The following IRGQ variants were observed in gnomAD, a reference collection of about 807,000 sequenced individuals.
IRGQ encodes immunity related GTPase Q, also known as immunity-related GTPase family Q protein.
A neutral mutation model predicts 10.5 loss-of-function variants in IRGQ; 5 were observed. The ratio of observed to expected loss-of-function variants is 0.48; its 90% CI spans 0.25 to 1.00. IRGQ has a LOEUF of 1.00. Ranked by LOEUF, IRGQ falls within the 50% of genes least tolerant of loss-of-function variation. The pLI, the probability that IRGQ is intolerant of heterozygous loss-of-function variation, is 0.16. For missense variants in IRGQ, 792 were observed against 877.7 expected, an observed-to-expected ratio of 0.90 and a Z score of 1.23; for synonymous variants, 418 against 426.0, an observed-to-expected ratio of 0.98 and a Z score of 0.23.
At position 43,590,373 on chromosome 19, in the gene IRGQ, G is replaced by A. The variant is rs1973041640; in HGVS notation, c.*1653C>T. ...ACGACAAAAGGGATTCTATCGCTTG[G>A]ATTCTCAGATCCTCCTTTTCTGTTT... On this transcript the variant is annotated 3_prime_UTR_variant, in exon 3 of 3. Transcript: ENST00000422989. 6.6e-6 allele frequency: 1 copy of A among 152,224 alleles called. No homozygotes were observed. Among genetic ancestry groups the A allele is most frequent in the Admixed American group, 6.5e-5 (1 of 15,284 alleles). 9.4% of individuals were successfully genotyped at this position (152,224 alleles called of 1,614,324 possible). A position where few individuals can be genotyped will look rare whatever the true frequency, so the allele number is the denominator to read the frequency against.
rs748555242 is a variant in IRGQ, at chr19:43,593,339, CGA to C, written c.557_558del (p.Phe186Ter). 1 of 1,524,986 alleles carries C rather than the reference CGA, an allele frequency of 6.6e-7. No individual in the cohort carries two copies. The highest frequency in any genetic ancestry group is 1.4e-5 in the African/African-American group (1 of 72,044). 94.5% of individuals were successfully genotyped at this position (1,524,986 alleles called of 1,614,324 possible). On this transcript the variant is annotated frameshift_variant, in exon 3 of 3. Coordinates refer to ENST00000422989, the MANE Select transcript of IRGQ (RefSeq NM_001007561.3). LOFTEE classifies it low-confidence loss of function (END_TRUNC). This position sits in a 1 kb window ranked among gnomAD's most constrained non-coding sequence, Gnocchi z 6.4. ...RRLLPPAQDG[F>X]EVLGAAELEA... ...TCTAGCTCTGCTGCACCCAACACCT[CGA>C]AGCCATCCTGCGCCGGTGGCAGGAG...
Position 43,593,096 on chromosome 19 carries a change from CTG to C in IRGQ, c.800_801del (p.Pro267ArgfsTer43). ...VPTAPTPFPA[P>X]ERPNVVLWTV... Reference sequence around the variant, plus strand: ...GTCCAGAGCACCACATTCGGGCGCTCTGGGGCTGGGAAGGGAGTGGGTGCTGT... The same window carrying C: ...GTCCAGAGCACCACATTCGGGCGCTCGGGCTGGGAAGGGAGTGGGTGCTGT... On this transcript the variant is annotated frameshift_variant, in exon 3 of 3. Transcript: ENST00000422989. LOFTEE classifies it low-confidence loss of function (END_TRUNC). This position sits in a 1 kb window ranked among gnomAD's most constrained non-coding sequence, Gnocchi z 6.4. 3 of 1,585,548 alleles carry C rather than the reference CTG, an allele frequency of 1.9e-6. No individual in the cohort carries two copies. The highest frequency in any genetic ancestry group is 2.6e-6 in the Non-Finnish European group (3 of 1,161,536).
chr19:43,593,306 G>A lies in IRGQ; in HGVS notation c.592C>T (p.Arg198Cys), dbSNP rs867438697. 1.3e-5 allele frequency: 20 copies of A among 1,582,130 alleles called. No homozygotes were observed. The African/African-American group carries it at 2.4e-4, about 19-fold the overall frequency. Reference protein sequence around the residue: ...VLGAAELEAVREAFETGGLEA... With the variant: ...VLGAAELEAVCEAFETGGLEA... ...AGGCCGCCGGTCTCAAAGGCCTCAC[G>A]CACAGCCTCTAGCTCTGCTGCACCC... The change falls in exon 3 of 3, where the codon CGT (arginine) becomes TGT (cysteine). Residue 198 changes from arginine (R) to cysteine (C), a missense_variant. By Grantham distance (180) the Arg-to-Cys change is radical. Transcript: ENST00000422989. The surrounding 1 kb of genome is among the most constrained non-coding windows in gnomAD (Gnocchi z 6.4).
In IRGQ at chr19:43,592,530, C is replaced by G. The variant is rs1568527629; in HGVS notation, c.1368G>C (p.Gly456=). 6.3e-7 allele frequency: 1 copy of G among 1,596,686 alleles called. No homozygotes were observed. Residue 456 remains glycine, a synonymous_variant, in exon 3 of 3, where the codon GGG becomes GGC. Transcript: ENST00000422989. ...LRRALPPAQA[G]ALLLALPPAS... is the part of the protein sequence containing the mutation. The stretch of plus-strand genomic sequence containing the variant: ...CTGGTGGCAACGCCAGCAGCAGTGC[C>G]CCTGCCTGGGCTGGGGGGAGCGCTC...
rs1485600380 is a variant in IRGQ at position 43,593,155 on chromosome 19, C to A, written c.743G>T (p.Gly248Val). The A allele has an allele frequency of 3.8e-6, 6 of 1,558,754 alleles. No homozygotes were observed. Among genetic ancestry groups the A allele is most frequent in the Non-Finnish European group, 5.2e-6 (6 of 1,149,714 alleles). ...VVDMLLGLDPGDPGAAPASVP... is the reference protein window; with the variant it reads ...VVDMLLGLDPVDPGAAPASVP... ...CGAAGCAGGCGCAGCGCCTGGGTCG[C>A]CAGGATCCAATCCAAGCAGCATGTC... Residue 248 changes from glycine to valine, a missense_variant, in exon 3 of 3, where the codon GGC (glycine) becomes GTC (valine). By Grantham distance (109) the Gly-to-Val change is moderately radical. Transcript: ENST00000422989. The surrounding 1 kb of genome is among the most constrained non-coding windows in gnomAD (Gnocchi z 6.4).
chr19:43,589,055 G>C lies in IRGQ; in HGVS notation c.*2971C>G, dbSNP rs1466354161. ...CTTGGATCAGTTACCTTTGTCTTCA[G>C]CTTTTAAGGGAGACAGGATCTCAAA... On this transcript the variant is annotated 3_prime_UTR_variant, in exon 3 of 3. Coordinates refer to ENST00000422989, the MANE Select transcript of IRGQ (RefSeq NM_001007561.3). 6.6e-6 allele frequency: 1 copy of C among 152,138 alleles called. No individual in the cohort carries two copies. Among genetic ancestry groups the C allele is most frequent in the Non-Finnish European group, 1.5e-5 (1 of 68,038 alleles). 9.4% of individuals were successfully genotyped at this position (152,138 alleles called of 1,614,324 possible).
rs750576310 is a variant in IRGQ at position 43,592,358 on chromosome 19, C to T, written c.1540G>A (p.Ala514Thr). 5 of 1,575,400 alleles carry T rather than the reference C, an allele frequency of 3.2e-6. No homozygotes were observed. The South Asian group carries it at 4.5e-5, about 14-fold the overall frequency. The part of the protein sequence containing the change: ...CDVALLRGQL[A>T]EWRRGLGLEP... ...AGCCCCAGGCCCCGTCGCCACTCCG[C>T]CAGCTGACCCCGCAGAAGTGCCACG... Residue 514 changes from alanine (A) to threonine (T), a missense_variant, in exon 3 of 3, where the codon GCG (alanine) becomes ACG (threonine). By Grantham distance (58) the Ala-to-Thr change is moderately conservative. Transcript: ENST00000422989.
rs146186698 is a variant in IRGQ at position 43,595,746 on chromosome 19, T to C, written c.-3+236A>G. Among the ~76,000 whole-genome samples the C allele has an allele frequency of 8.0e-3, 1,209 of 151,856 alleles. 11 individuals are homozygous for C. The highest frequency in any genetic ancestry group is 0.028 in the African/African-American group (1,149 of 41,394). On this transcript the variant is annotated intron_variant, in intron 1 of 2. Transcript: ENST00000422989. ...AATAAAATTTAGCCGGGCATGGTGG[T>C]GTGCGCCTGTAGCCCCAGCTACTCG...
At position 43,592,465 on chromosome 19, in the gene IRGQ, C is replaced by T. The variant is rs1973070871; in HGVS notation, c.1433G>A (p.Arg478Gln). Residue 478 changes from arginine (R) to glutamine (Q), a missense_variant, in exon 3 of 3, where the codon CGA (arginine) becomes CAA (glutamine). Physicochemically the swap from Arg to Gln is conservative, Grantham distance 43. Coordinates refer to ENST00000422989, the MANE Select transcript of IRGQ (RefSeq NM_001007561.3). The stretch of plus-strand genomic sequence containing the variant: ...CAGAGCTGGCCTCCACGCCCCGGCT[C>T]GCAACGCCGCAGCCTTGGTTCGGGC... ...SAARTKAAAL[R>Q]AGAWRPALLA... The T allele has an allele frequency of 1.9e-6, 3 of 1,587,172 alleles. No homozygotes were observed. Among genetic ancestry groups the T allele is most frequent in the Non-Finnish European group, 1.7e-6 (2 of 1,174,616 alleles).
Position 43,593,257 on chromosome 19 carries a change from C to A in IRGQ, c.641G>T (p.Arg214Leu). The change falls in exon 3 of 3, where the codon CGC becomes CTC. Residue 214 changes from arginine to leucine, a missense_variant. Coordinates refer to ENST00000422989, the MANE Select transcript of IRGQ (RefSeq NM_001007561.3). The surrounding 1 kb of genome is among the most constrained non-coding windows in gnomAD (Gnocchi z 6.4). The stretch of plus-strand genomic sequence containing the variant: ...GCTGCCCAGGCGCTCCAGGCCTGAG[C>A]GCACCCACGACAGCGCAGCCTCAAG... ...GGLEAALSWVRSGLERLGSAR... is the reference protein window; with the variant it reads ...GGLEAALSWVLSGLERLGSAR... 6.3e-7 allele frequency: 1 copy of A among 1,599,160 alleles called. No homozygotes were observed. Among genetic ancestry groups the A allele is most frequent in the Non-Finnish European group, 8.5e-7 (1 of 1,172,126 alleles).
rs1246502374 is a variant in IRGQ, at chr19:43,584,401, C to G, written c.*7625G>C. ...TGTTTTTCATTTTATTTTCACAACTCTATGTCATAGGCACTATTATTCACA... is the reference window on the plus strand; with the variant it reads ...TGTTTTTCATTTTATTTTCACAACTGTATGTCATAGGCACTATTATTCACA... On this transcript the variant is annotated 3_prime_UTR_variant, in exon 3 of 3. Coordinates refer to ENST00000422989, the MANE Select transcript of IRGQ (RefSeq NM_001007561.3). 1 of 152,186 alleles carries G rather than the reference C, an allele frequency of 6.6e-6. No homozygotes were observed. Among genetic ancestry groups the G allele is most frequent in the South Asian group, 2.1e-4 (1 of 4,832 alleles). 9.4% of individuals were successfully genotyped at this position (152,186 alleles called of 1,614,324 possible).
At position 43,594,962 on chromosome 19, in the gene IRGQ, T is replaced by G; in HGVS notation, c.377A>C (p.Gln126Pro). Residue 126 changes from glutamine (Q) to proline (P), a missense_variant, in exon 2 of 3, where the codon CAG becomes CCG. By Grantham distance (76) the Gln-to-Pro change is moderately conservative (BLOSUM62 -1). Transcript: ENST00000422989. ...CAGAGCTGCTGTCTGATCACGGGCC[T>G]GGGCGGCAGTCTGTGAATCCCCAGG... The part of the protein sequence containing the change: ...LRPGDSQTAA[Q>P]ARDQTAALLN... 6.2e-7 allele frequency: 1 copy of G among 1,614,006 alleles called. No individual in the cohort carries two copies. Among genetic ancestry groups the G allele is most frequent in the Non-Finnish European group, 8.5e-7 (1 of 1,179,946 alleles).
Position 43,592,315 on chromosome 19 carries a change from G to A in IRGQ, c.1583C>T (p.Ala528Val). 1 of 1,569,930 alleles carries A rather than the reference G, an allele frequency of 6.4e-7. No individual in the cohort carries two copies. The highest frequency in any genetic ancestry group is 1.7e-4 in the Middle Eastern group (1 of 5,960). Residue 528 changes from alanine (A) to valine (V), a missense_variant, in exon 3 of 3, where the codon GCT (alanine) becomes GTT (valine). Ala to Val is a moderately conservative substitution (Grantham distance 64). Coordinates refer to ENST00000422989, the MANE Select transcript of IRGQ (RefSeq NM_001007561.3). ...RGLGLEPTALARRERALGLAS... is the reference protein window; with the variant it reads ...RGLGLEPTALVRRERALGLAS... ...CAGGCCCAGGGCACGCTCACGTCGAGCCAGTGCCGTGGGTTCCAGCCCCAG... is the reference window on the plus strand; with the variant it reads ...CAGGCCCAGGGCACGCTCACGTCGAACCAGTGCCGTGGGTTCCAGCCCCAG...
rs1034940313 is a variant in IRGQ at position 43,591,049 on chromosome 19, C to T, written c.*977G>A. On this transcript the variant is annotated 3_prime_UTR_variant, in exon 3 of 3. Transcript: ENST00000422989. ...CTTTTGGAGGGCAATTATAGAAACC[C>T]ATCCACTCCCCAGGAGAGATCAAGA... 6 of 152,176 alleles carry T rather than the reference C, an allele frequency of 3.9e-5. No individual in the cohort carries two copies. The highest frequency in any genetic ancestry group is 5.9e-5 in the Non-Finnish European group (4 of 68,058). The allele number at this position is 152,176 out of a possible 1,614,324, so 9.4% of individuals were successfully genotyped here. A position where few individuals can be genotyped will look rare whatever the true frequency, so the allele number is the denominator to read the frequency against.
chr19:43,592,821 T>A lies in IRGQ; in HGVS notation c.1077A>T (p.Gly359=), dbSNP rs748876519. The A allele has an allele frequency of 6.5e-5, 105 of 1,614,032 alleles. No homozygotes were observed. The highest frequency in any genetic ancestry group is 8.7e-5 in the Non-Finnish European group (103 of 1,180,022). The change falls in exon 3 of 3, where the codon GGA becomes GGT. Residue 359 remains glycine (G), a synonymous_variant. Transcript: ENST00000422989. ...TACTGAGTGCATTCTCCAATCCCCC[T>A]CCACCTGCGTTCTTTAAGCTCTCGC... ...PKGESLKNAG[G]GGLENALSKG...
rs781596421 is a variant in IRGQ at position 43,594,925 on chromosome 19, C to T, written c.414G>A (p.Ala138=). 4 of 1,614,078 alleles carry T rather than the reference C, an allele frequency of 2.5e-6. No individual in the cohort carries two copies. The highest frequency in any genetic ancestry group is 3.4e-6 in the Non-Finnish European group (4 of 1,179,958). The change falls in exon 2 of 3, where the codon GCG becomes GCA. Residue 138 remains alanine, a synonymous_variant. Coordinates refer to ENST00000422989, the MANE Select transcript of IRGQ (RefSeq NM_001007561.3). ...RDQTAALLNS[A]GLGAADLFVL... Reference sequence around the variant, plus strand: ...CAAACAGATCCGCAGCTCCTAACCCCGCGCTGTTCAGCAGAGCTGCTGTCT... The same window carrying T: ...CAAACAGATCCGCAGCTCCTAACCCTGCGCTGTTCAGCAGAGCTGCTGTCT...
chr19:43,584,404 T>G lies in IRGQ; in HGVS notation c.*7622A>C, dbSNP rs943493061. On this transcript the variant is annotated 3_prime_UTR_variant, in exon 3 of 3. Transcript: ENST00000422989. ...TTTTCATTTTATTTTCACAACTCTA[T>G]GTCATAGGCACTATTATTCACATCT... 6.6e-6 allele frequency: 1 copy of G among 152,202 alleles called. No homozygotes were observed. Among genetic ancestry groups the G allele is most frequent in the Non-Finnish European group, 1.5e-5 (1 of 68,038 alleles). 9.4% of individuals were successfully genotyped at this position (152,202 alleles called of 1,614,324 possible).
rs755599944 is a variant in IRGQ, at chr19:43,592,798, C to T, written c.1100G>A (p.Ser367Asn). 32 of 1,613,876 alleles carry T rather than the reference C, an allele frequency of 2.0e-5. No homozygotes were observed. In the Middle Eastern group the frequency reaches 4.9e-4, roughly 25 times the overall value. Reference sequence around the variant, plus strand: ...AGCGCTACATTTCTCCCTTCCCTTACTGAGTGCATTCTCCAATCCCCCTCC... The same window carrying T: ...AGCGCTACATTTCTCCCTTCCCTTATTGAGTGCATTCTCCAATCCCCCTCC... ...AGGGGLENAL[S>N]KGREKCSAGS... Residue 367 changes from serine (S) to asparagine (N), a missense_variant, in exon 3 of 3, where the codon AGT (serine) becomes AAT (asparagine). Coordinates refer to ENST00000422989, the MANE Select transcript of IRGQ (RefSeq NM_001007561.3).
chr19:43,586,301 C>T lies in IRGQ; in HGVS notation c.*5725G>A, dbSNP rs1027721866. The T allele has an allele frequency of 4.6e-5, 7 of 152,192 alleles. No individual in the cohort carries two copies. The highest frequency in any genetic ancestry group is 4.2e-4 in the South Asian group (2 of 4,812). 9.4% of individuals were successfully genotyped at this position (152,192 alleles called of 1,614,324 possible). A position where few individuals can be genotyped will look rare whatever the true frequency, so the allele number is the denominator to read the frequency against. ...CCAGGGACAGATGCCTGCCAACAACCTTATGTCTTCACAAAGACTAAAATG... is the reference window on the plus strand; with the variant it reads ...CCAGGGACAGATGCCTGCCAACAACTTTATGTCTTCACAAAGACTAAAATG... On this transcript the variant is annotated 3_prime_UTR_variant, in exon 3 of 3. Coordinates refer to ENST00000422989, the MANE Select transcript of IRGQ (RefSeq NM_001007561.3).
Sources: allele counts gnomAD v4.1 joint callset (sites outside exome capture counted in the v4.1 genomes callset), GRCh38; gene constraint gnomAD v4.1.1; non-coding constraint Gnocchi (gnomAD v3.1); transcripts MANE v1.5; gene names NCBI Gene and HGNC (gene_info 2026-07-23, HGNC 2026-07-21).